The following PTPRQ variants were observed in gnomAD, a reference collection of about 807,000 sequenced individuals.
The protein encoded by PTPRQ is protein tyrosine phosphatase receptor type Q.
PTPRQ carries 199 observed loss-of-function variants against 246.0 expected under a neutral mutation model. The observed-to-expected ratio is 0.81, with a 90% confidence interval of 0.72 to 0.91. The LOEUF is 0.91. Ranked by LOEUF, PTPRQ falls within the 40% of genes least tolerant of loss-of-function variation. PTPRQ has a pLI of 0.00. For synonymous variants in PTPRQ, 869 were observed against 853.2 expected, an observed-to-expected ratio of 1.02 and a Z score of -0.32; for missense variants, 2,624 against 2,528.4, an observed-to-expected ratio of 1.04 and a Z score of -0.81.
intron 39 of PTPRQ, among the ~76,000 whole-genome samples, chr12:80,659,965 C>A (rs1270091753): frequency 6.6e-6 from 1 of 152,006 alleles, no homozygotes; most frequent in African/African-American, 2.4e-5. Flanking sequence ...ACAGATGTAG[C>A]AATGATACTG....
chr12:80,542,141 A>C lies in PTPRQ; in HGVS notation c.3498A>C (p.Ser1166=). The change falls in exon 22 of 45, where the codon TCA becomes TCC. Residue 1166 remains serine (S), a synonymous_variant. Transcript: ENST00000644991. ...CTTTTAAAAACCTTTCCTCTACCTCAGTTCTCTTATCATGGGATCCCCCAG... is the reference window on the plus strand; with the variant it reads ...CTTTTAAAAACCTTTCCTCTACCTCCGTTCTCTTATCATGGGATCCCCCAG... ...INTFKNLSST[S]VLLSWDPPVK... The C allele has an allele frequency of 6.4e-7, 1 of 1,550,864 alleles. No homozygotes were observed.
intron 25 of PTPRQ, among the ~76,000 whole-genome samples, chr12:80,581,957 G>A (rs1897453072): frequency 6.6e-6 from 1 of 152,156 alleles, no homozygotes; most frequent in Admixed American, 6.5e-5. Flanking sequence ...ACAGGAGTAG[G>A]TATTGGTAAA....
intron 42 of PTPRQ, among the ~76,000 whole-genome samples, chr12:80,672,324 C>A (rs1296680580): frequency 1.3e-5 from 2 of 151,030 alleles, no homozygotes; most frequent in African/African-American, 4.9e-5. Context: ...TATATATATA[C>A]ATGTTACTAT....
intron 35 of PTPRQ, among the ~76,000 whole-genome samples, chr12:80,635,349 G>A (rs914285452): frequency 6.6e-6 from 1 of 152,038 alleles, no homozygotes; most frequent in South Asian, 2.1e-4. Context: ...TTAAACCTTT[G>A]ACATTATGTT....
chr12:80,648,439 T>A (rs1332693688), intron 35 of PTPRQ, among the ~76,000 whole-genome samples: 1 of 152,108 alleles, frequency 6.6e-6, no homozygotes, highest in Non-Finnish European at 1.5e-5. Context: ...TGTGTATTTA[T>A]CCAAACTCAC....
rs191104743 is a variant in PTPRQ at position 80,563,369 on chromosome 12, G to A, written c.4285+13635G>A. On this transcript the variant is annotated intron_variant, in intron 25 of 44. Coordinates refer to ENST00000644991, the MANE Select transcript of PTPRQ (RefSeq NM_001145026.2). ...CGTGATTACTGCCCTAATCCCACTC[G>A]TGAGGGCAGAGCCCTCATGAGCTAA... is the stretch of plus-strand genomic sequence containing the variant. 5.3e-5 allele frequency among the ~76,000 whole-genome samples: 8 copies of A among 151,796 alleles called. No homozygotes were observed. The East Asian group carries it at 1.4e-3, about 26-fold the overall frequency.
In PTPRQ at chr12:80,573,259, G is replaced by A. The variant is rs188094131; in HGVS notation, c.4286-14870G>A. 5.0e-3 allele frequency among the ~76,000 whole-genome samples: 767 copies of A among 152,282 alleles called. 2 individuals carry two copies. Among genetic ancestry groups the A allele is most frequent in the Admixed American group, 8.2e-3 (126 of 15,290 alleles). On this transcript the variant is annotated intron_variant, in intron 25 of 44. Coordinates refer to ENST00000644991, the MANE Select transcript of PTPRQ (RefSeq NM_001145026.2). Reference sequence around the variant, plus strand: ...AATCCCAGCTCTTTGGGAGGCCAAGGCAGGCGGATCACGAGGTCAGTAGAT... The same window carrying A: ...AATCCCAGCTCTTTGGGAGGCCAAGACAGGCGGATCACGAGGTCAGTAGAT...
At chr12:80,592,247 CTAAG>C (rs1339323774) in intron 26 of PTPRQ, among the ~76,000 whole-genome samples, 5 of 152,124 alleles carry the variant, frequency 3.3e-5, no homozygotes, top group African/African-American at 1.2e-4. Context: ...AGCTTTTCAA[CTAAG>C]TAGTCATAAG....
At chr12:80,636,744 A>C (rs1899668400) in intron 35 of PTPRQ, among the ~76,000 whole-genome samples, 1 of 152,238 alleles carries the variant, frequency 6.6e-6, no homozygotes, top group African/African-American at 2.4e-5. Flanking sequence ...TAGCCCGTGA[A>C]AAATCCTGAA....
intron 17 of PTPRQ, among the ~76,000 whole-genome samples, chr12:80,523,869 T>A (rs1895593673): frequency 6.6e-6 from 1 of 152,234 alleles, no homozygotes; most frequent in Non-Finnish European, 1.5e-5. Flanking sequence ...GTTCTGTAGA[T>A]GTCTATTAGG....
intron 19 of PTPRQ, among the ~76,000 whole-genome samples, chr12:80,537,837 T>A (rs1176769721): frequency 6.6e-6 from 1 of 152,134 alleles, no homozygotes; most frequent in Non-Finnish European, 1.5e-5. Flanking sequence ...GGGCCGGGTG[T>A]GGTGGCTCAC....
In PTPRQ at chr12:80,653,202, A is replaced by G. The variant is rs141045834; in HGVS notation, c.6115+368A>G. On this transcript the variant is annotated intron_variant, in intron 38 of 44. Coordinates refer to ENST00000644991, the MANE Select transcript of PTPRQ (RefSeq NM_001145026.2). Reference sequence around the variant, plus strand: ...TTGTGCATTAGTTTCCCTTCACAGCATAGCAGTGTTTTCCTATGGAACATA... The same window carrying G: ...TTGTGCATTAGTTTCCCTTCACAGCGTAGCAGTGTTTTCCTATGGAACATA... Among the ~76,000 whole-genome samples the G allele has an allele frequency of 8.5e-3, 1,301 of 152,304 alleles. 17 individuals are homozygous for G. The highest frequency in any genetic ancestry group is 0.03 in the African/African-American group (1,228 of 41,582).
chr12:80,593,868 T>A (rs569099107), intron 26 of PTPRQ, among the ~76,000 whole-genome samples: 1 of 151,968 alleles, frequency 6.6e-6, no homozygotes, highest in South Asian at 2.1e-4. Flanking sequence ...GTGAAATTAG[T>A]ATGAAATGGA....
chr12:80,563,812 G>A (rs969676132), intron 25 of PTPRQ, among the ~76,000 whole-genome samples: 1 of 152,012 alleles, frequency 6.6e-6, no homozygotes, highest in African/African-American at 2.4e-5. Context: ...TACTGGAGAG[G>A]GTGAAAATCT....
At chr12:80,625,353 T>G (rs1440250900) in intron 33 of PTPRQ, among the ~76,000 whole-genome samples, 1 of 152,112 alleles carries the variant, frequency 6.6e-6, no homozygotes, top group Non-Finnish European at 1.5e-5. Flanking sequence ...GAGAGAAGTC[T>G]AGGTCCCATC....
At chr12:80,667,709 G>T (rs1455898446) in intron 39 of PTPRQ, among the ~76,000 whole-genome samples, 1 of 151,642 alleles carries the variant, frequency 6.6e-6, no homozygotes, top group Non-Finnish European at 1.5e-5. Flanking sequence ...AAATGTTAAT[G>T]GTCCTTCACT....
At chr12:80,653,570 A>G (rs1398822287) in intron 38 of PTPRQ, among the ~76,000 whole-genome samples, 5 of 152,198 alleles carry the variant, frequency 3.3e-5, no homozygotes, top group African/African-American at 1.2e-4. Flanking sequence ...AATGTTCCCA[A>G]TTTTAAAGAT....
intron 30 of PTPRQ, among the ~76,000 whole-genome samples, chr12:80,619,104 A>G (rs910534709): frequency 6.6e-6 from 1 of 151,518 alleles, no homozygotes; most frequent in African/African-American, 2.4e-5. Context: ...TATGAGTGAG[A>G]GCATGTATAA....
chr12:80,537,972 G>A (rs761927164), intron 19 of PTPRQ, among the ~76,000 whole-genome samples: 21 of 152,106 alleles, frequency 1.4e-4, no homozygotes, highest in Admixed American at 6.5e-4. Context: ...AGCCGGGCAT[G>A]GTGGCAGGCT....
Sources: allele counts gnomAD v4.1 joint callset (sites outside exome capture counted in the v4.1 genomes callset), GRCh38; gene constraint gnomAD v4.1.1; transcripts MANE v1.5; gene names NCBI Gene and HGNC (gene_info 2026-07-23, HGNC 2026-07-21).